The following ARRDC5 variants were observed in gnomAD, a reference collection of about 807,000 sequenced individuals.
ARRDC5 encodes arrestin domain containing 5, also known as arrestin domain-containing protein 5.
A neutral mutation model predicts 13.3 loss-of-function variants in ARRDC5; 12 were observed. The observed-to-expected ratio is 0.90, with a 90% CI of 0.58 to 1.46. The LOEUF is 1.46. ARRDC5 is among the 40% of genes most tolerant of loss of function. The pLI is 0.00. For missense variants in ARRDC5, 406 were observed against 418.7 expected (o/e 0.97, Z 0.26); for synonymous variants, 181 against 173.4 (o/e 1.04, Z -0.34).
chr19:4,899,772 A>AAAAG (rs2146255828), intron 1 of ARRDC5, among the ~76,000 whole-genome samples: 1 of 145,318 alleles, frequency 6.9e-6, no homozygotes, highest in East Asian at 2.0e-4. Flanking sequence ...TACAAAAAAA[A>AAAAG]AAAAAAAAAA....
chr19:4,891,752 C>T (rs1405508487), intron 2 of ARRDC5, among the ~76,000 whole-genome samples, 179 bp from the exon 3 acceptor site: 2 of 152,058 alleles, frequency 1.3e-5, no homozygotes, highest in East Asian at 1.9e-4. Flanking sequence ...GTCAGGAGTT[C>T]GAGACCAGCC....
rs748089181 is a variant in ARRDC5, at chr19:4,891,311, G to A, written c.722C>T (p.Ala241Val). 21 of 1,613,778 alleles carry A rather than the reference G, an allele frequency of 1.3e-5. No homozygotes were observed. The East Asian group carries it at 3.8e-4, about 29-fold the overall frequency. The change falls in exon 3 of 3, where the codon GCC becomes GTC. Residue 241 changes from alanine to valine, a missense_variant. Physicochemically the swap from Ala to Val is moderately conservative, Grantham distance 64 (BLOSUM62 0). Transcript: ENST00000650722. ...GTTGAAGCGGGTCACGGGGGTGTTGGCCTCCTGCCTCAGAAGCTCGCTGCT... is the reference window on the plus strand; with the variant it reads ...GTTGAAGCGGGTCACGGGGGTGTTGACCTCCTGCCTCAGAAGCTCGCTGCT... ...LDSSELLRQE[A>V]NTPVTRFNTT...
upstream of ARRDC5, among the ~76,000 whole-genome samples, chr19:4,904,179 G>GT (rs1332151693): frequency 6.7e-6 from 1 of 149,398 alleles, no homozygotes; most frequent in African/African-American, 2.5e-5. Flanking sequence ...TTTTGTTTTT[G>GT]TTTTTGTTTT....
Position 4,902,654 on chromosome 19 carries a change from C to T in ARRDC5, c.172G>A (p.Ala58Thr). The T allele has an allele frequency of 6.2e-7, 1 of 1,613,994 alleles. No individual in the cohort carries two copies. Among genetic ancestry groups the T allele is most frequent in the Non-Finnish European group, 8.5e-7 (1 of 1,179,876 alleles). Residue 58 changes from alanine (A) to threonine (T), a missense_variant, in exon 1 of 3, where the codon GCA (alanine) becomes ACA (threonine). By Grantham distance (58) the Ala-to-Thr change is moderately conservative. Coordinates refer to ENST00000650722, the MANE Select transcript of ARRDC5 (RefSeq NM_001080523.3). ...GYVEWSEEAG[A>T]SCDYSRNVIC... Reference sequence around the variant, plus strand: ...ACATTTCTGCTATAATCACAGGATGCCCCGGCTTCTTCACTCCATTCGACG... The same window carrying T: ...ACATTTCTGCTATAATCACAGGATGTCCCGGCTTCTTCACTCCATTCGACG...
chr19:4,909,500 CAG>C, the ARRDC5 span: 2 of 656,554 alleles, frequency 3.0e-6, no homozygotes, highest in African/African-American at 1.9e-5. Flanking sequence ...GGAAAAAAAT[CAG>C]AGCAGCTGGC....
At chr19:4,911,404 A>G in the ARRDC5 span, among the ~76,000 whole-genome samples, 1 of 152,182 alleles carries the variant, frequency 6.6e-6, no homozygotes, top group African/African-American at 2.4e-5. Flanking sequence ...GGTAGCTAGG[A>G]CGGAGGGGAC....
rs2031485726 is a variant in ARRDC5 at position 4,891,127 on chromosome 19, G to A, written c.906C>T (p.Ile302=). The A allele has an allele frequency of 1.9e-6, 3 of 1,613,852 alleles. No homozygotes were observed. The highest frequency in any genetic ancestry group is 8.5e-7 in the Non-Finnish European group (1 of 1,179,860). The change falls in exon 3 of 3, where the codon ATC becomes ATT. Residue 302 remains isoleucine (I), a synonymous_variant. Transcript: ENST00000650722. ...TSLKAKVPII[I]TSASVDSAIC... is the part of the protein sequence containing the mutation. ...TGGCAGAGTCCACTGAGGCGCTGGT[G>A]ATGATGATGGGAACTTTGGCCTTGA...
At chr19:4,896,491 T>C in intron 2 of ARRDC5, among the ~76,000 whole-genome samples, 180 bp downstream of exon 2, 1 of 151,142 alleles carries the variant, frequency 6.6e-6, no homozygotes, top group South Asian at 2.1e-4. Context: ...TACTGCAGCC[T>C]TGACCTCCAG....
At chr19:4,897,424 A>G (rs532323520) in intron 1 of ARRDC5, among the ~76,000 whole-genome samples, 20 of 152,084 alleles carry the variant, frequency 1.3e-4, no homozygotes, top group Non-Finnish European at 2.6e-4. Flanking sequence ...ACATGCCTGG[A>G]GTTGTCACCC....
At chr19:4,904,748 G>A (rs981274654), upstream of ARRDC5, among the ~76,000 whole-genome samples, 2 of 152,236 alleles carry the variant, frequency 1.3e-5, no homozygotes, top group Non-Finnish European at 2.9e-5. Flanking sequence ...CCAGGAGTGG[G>A]TGTGGGGGGT....
chr19:4,891,331 G>A lies in ARRDC5; in HGVS notation c.702C>T (p.Ser234=), dbSNP rs759217972. 21 of 1,613,746 alleles carry A rather than the reference G, an allele frequency of 1.3e-5. No homozygotes were observed. Among genetic ancestry groups the A allele is most frequent in the East Asian group, 6.7e-5 (3 of 44,892 alleles). Residue 234 remains serine, a synonymous_variant, in exon 3 of 3, where the codon AGC becomes AGT. Coordinates refer to ENST00000650722, the MANE Select transcript of ARRDC5 (RefSeq NM_001080523.3). ...SAERRSRLDS[S]ELLRQEANTP... Reference sequence around the variant, plus strand: ...TGTTGGCCTCCTGCCTCAGAAGCTCGCTGCTGTCCAGCCGAGACCGCCGCT... The same window carrying A: ...TGTTGGCCTCCTGCCTCAGAAGCTCACTGCTGTCCAGCCGAGACCGCCGCT...
At chr19:4,894,648 C>A (rs1030331165) in intron 2 of ARRDC5, among the ~76,000 whole-genome samples, 42 of 148,450 alleles carry the variant, frequency 2.8e-4, no homozygotes, top group African/African-American at 1.0e-3. Context: ...CGCGCCACTG[C>A]CCTCCAGCCT....
chr19:4,896,357 TTTTTACACACACACACAC>T (rs2031725002), intron 2 of ARRDC5, among the ~76,000 whole-genome samples: 1 of 96,064 alleles, frequency 1.0e-5, no homozygotes, highest in Non-Finnish European at 2.0e-5. Context: ...TATTTTTTTT[TTTTTACACACACACACAC>T]ACACACACAC....
At chr19:4,914,016 T>A in the ARRDC5 span, among the ~76,000 whole-genome samples, 2 of 152,010 alleles carry the variant, frequency 1.3e-5, no homozygotes, top group Non-Finnish European at 2.9e-5. Flanking sequence ...GGTTTCTCCA[T>A]GTTGGTCAGG....
At chr19:4,908,077 C>A in the ARRDC5 span, among the ~76,000 whole-genome samples, 1 of 152,148 alleles carries the variant, frequency 6.6e-6, no homozygotes, top group African/African-American at 2.4e-5. Context: ...CCTTTTGTAT[C>A]CCTTTTTCAC....
the ARRDC5 span, chr19:4,910,983 A>G: frequency 6.2e-7 from 1 of 1,612,724 alleles, no homozygotes; most frequent in Non-Finnish European, 8.5e-7. Context: ...CGGAAGATCC[A>G]GGAGCTGTTC....
At position 4,891,238 on chromosome 19, in the gene ARRDC5, C is replaced by T. The variant is rs761805228; in HGVS notation, c.795G>A (p.Val265=). Residue 265 remains valine, a synonymous_variant, in exon 3 of 3, where the codon GTG becomes GTA. Transcript: ENST00000650722. ...TCTCACCGTCCTGCGTGCTGCTGCT[C>T]ACGGACAGCAGCAACGGCAGGTTGA... ...STFNLPLLLS[V]SSSTQDGEIM... is the part of the protein sequence containing the mutation. 9.3e-6 allele frequency: 15 copies of T among 1,613,734 alleles called. No homozygotes were observed. Among genetic ancestry groups the T allele is most frequent in the Non-Finnish European group, 1.7e-6 (2 of 1,179,888 alleles).
intron 2 of ARRDC5, among the ~76,000 whole-genome samples, chr19:4,893,861 T>G (rs1599209640): frequency 2.3e-5 from 3 of 131,278 alleles, no homozygotes; most frequent in Non-Finnish European, 3.2e-5. Context: ...GCTAACAGGG[T>G]GAAACCCCAT....
In ARRDC5 at chr19:4,896,405, C is replaced by CACACATATAT. The variant is rs539564532; in HGVS notation, c.459+265_459+266insATATATGTGT. 4.7e-3 allele frequency among the ~76,000 whole-genome samples: 505 copies of CACACATATAT among 106,320 alleles called. 3 individuals are homozygous for CACACATATAT. Among genetic ancestry groups the CACACATATAT allele is most frequent in the Non-Finnish European group, 6.2e-3 (343 of 55,134 alleles). The allele number at this position is 106,320 out of a possible 152,430, so 69.8% of individuals were successfully genotyped here. A position where few individuals can be genotyped will look rare whatever the true frequency, so the allele number is the denominator to read the frequency against. On this transcript the variant is annotated intron_variant, in intron 2 of 2. Coordinates refer to ENST00000650722, the MANE Select transcript of ARRDC5 (RefSeq NM_001080523.3). ...ACACACACACACACACACACACACACATATATATAATTTTATTTTAGAGAC... is the reference window on the plus strand; with the variant it reads ...ACACACACACACACACACACACACACACACATATATATATATATAATTTTATTTTAGAGAC...
Sources: gnomAD v4.1 joint callset for allele counts (sites outside exome capture counted in the v4.1 genomes callset) on GRCh38, gnomAD v4.1.1 for gene constraint, MANE v1.5 for transcripts, NCBI Gene and HGNC (gene_info 2026-07-23, HGNC 2026-07-21) for gene names.